Variants in GRIK5 observed in about 807,000 individuals in gnomAD.
The protein encoded by GRIK5 is glutamate receptor ionotropic, kainate 5.
In GRIK5, 43 loss-of-function variants were observed where a neutral mutation model predicts 97.4. That is an observed-to-expected ratio of 0.44 (90% CI 0.35 to 0.57). The LOEUF (loss-of-function observed/expected upper bound fraction) is 0.57. Among genes scored for constraint, GRIK5 ranks in the 20% least tolerant of loss-of-function variants. The probability of loss-of-function intolerance (pLI) is 0.01; values close to 1 mark genes in which losing one functional copy is unlikely to be tolerated. For missense variants in GRIK5, 1,015 were observed against 1,382.0 expected, an observed-to-expected ratio of 0.73 and a Z score of 4.21; for synonymous variants, 580 against 583.5, an observed-to-expected ratio of 0.99 and a Z score of 0.09.
At chr19:42,009,833 G>A (rs1310361361) in intron 15 of GRIK5, among the ~76,000 whole-genome samples, 4 of 149,382 alleles carry the variant, frequency 2.7e-5, no homozygotes, top group Middle Eastern at 3.3e-3. Context: ...TTCGGAGGCC[G>A]ATGGGGGCGG....
Position 42,021,348 on chromosome 19 carries a change from C to G in GRIK5, c.1824G>C (p.Ser608=), listed in dbSNP as rs747358547. Residue 608 remains serine, a synonymous_variant, in exon 15 of 20, where the codon TCG becomes TCC. Transcript: ENST00000593562. The surrounding 1 kb of genome is among the most constrained non-coding windows in gnomAD (Gnocchi z 4.2). The stretch of plus-strand genomic sequence containing the variant: ...TGGACAGCGCCCGGGGCATGATCTC[C>G]GAGCCCTGCTGCATGAAGCCCCCCA... ...FPVGGFMQQG[S]EIMPRALSTR... 1.2e-6 allele frequency: 2 copies of G among 1,613,610 alleles called. No homozygotes were observed. The highest frequency in any genetic ancestry group is 2.2e-5 in the South Asian group (2 of 91,012).
In GRIK5 at chr19:42,002,424, C is replaced by T. The variant is rs200235222; in HGVS notation, c.2514+908G>A. On this transcript the variant is annotated intron_variant, in intron 19 of 19. Coordinates refer to ENST00000593562, the MANE Select transcript of GRIK5 (RefSeq NM_002088.5). This position sits in a 1 kb window ranked among gnomAD's most constrained non-coding sequence, Gnocchi z 5.2. ...AAGGACAGACTTGCCGGAGGGATGT[C>T]CTTGAGAAGGCAACCTGGACACGGG... is the stretch of plus-strand genomic sequence containing the variant. 4.0e-4 allele frequency: 287 copies of T among 717,536 alleles called. No individual in the cohort carries two copies. Among genetic ancestry groups the T allele is most frequent in the Non-Finnish European group, 1.5e-4 (57 of 385,110 alleles). 44.4% of individuals were successfully genotyped at this position (717,536 alleles called of 1,614,324 possible). A position where few individuals can be genotyped will look rare whatever the true frequency, so the allele number is the denominator to read the frequency against.
chr19:42,051,265 TG>T (rs2076113129), intron 11 of GRIK5, among the ~76,000 whole-genome samples: 1 of 152,146 alleles, frequency 6.6e-6, no homozygotes, highest in East Asian at 1.9e-4. Context: ...AGCTTCCCCA[TG>T]GGGCCTCTCT....
intron 1 of GRIK5, among the ~76,000 whole-genome samples, chr19:42,067,393 A>T (rs1035564475): frequency 6.6e-5 from 10 of 152,160 alleles, no homozygotes; most frequent in Admixed American, 2.0e-4. Flanking sequence ...AGAAGAAGAG[A>T]GTGCTAGGTG....
chr19:42,067,619 G>A (rs1451289071), intron 1 of GRIK5, among the ~76,000 whole-genome samples: 1 of 152,146 alleles, frequency 6.6e-6, no homozygotes, highest in Non-Finnish European at 1.5e-5. Flanking sequence ...GAGGACAAAG[G>A]ACAGAAAGAC....
intron 15 of GRIK5, among the ~76,000 whole-genome samples, chr19:42,013,187 CA>C (rs59687748): frequency 0.2 from 25,591 of 127,218 alleles, 2,244 homozygotes; most frequent in Middle Eastern, 0.24. Context: ...GAACTCTCTA[CA>C]AAAAAAAAAA....
At chr19:42,058,745 G>C (rs2076219458) in intron 6 of GRIK5, among the ~76,000 whole-genome samples, 1 of 148,428 alleles carries the variant, frequency 6.7e-6, no homozygotes, top group African/African-American at 2.5e-5. Context: ...AGAATCACTT[G>C]AACCTAGGAG....
At chr19:42,054,570 A>C in intron 8 of GRIK5, 98 bp from the exon 9 acceptor site, 4 of 1,342,164 alleles carry the variant, frequency 3.0e-6, no homozygotes, top group Non-Finnish European at 4.1e-6. Flanking sequence ...CCCTCAAATA[A>C]CTTCCCTCTC....
intron 15 of GRIK5, among the ~76,000 whole-genome samples, chr19:42,010,958 A>G (rs1173407817): frequency 6.6e-6 from 1 of 151,972 alleles, no homozygotes; most frequent in African/African-American, 2.4e-5. Flanking sequence ...GGCATGCATC[A>G]CCATGCCTGG....
At chr19:42,053,973 CAGAG>C in intron 9 of GRIK5, 44 bp from the exon 10 acceptor site, 1 of 1,349,862 alleles carries the variant, frequency 7.4e-7, no homozygotes, top group Non-Finnish European at 1.1e-6. Flanking sequence ...TGCAGGGGCC[CAGAG>C]ATGGGCAGGG....
intron 5 of GRIK5, among the ~76,000 whole-genome samples, chr19:42,060,419 G>A (rs1426094676): frequency 6.6e-6 from 1 of 152,038 alleles, no homozygotes; most frequent in African/African-American, 2.4e-5. Context: ...TGTTAAAGCA[G>A]AAATGAGTTA....
In GRIK5 at chr19:42,001,994, C is replaced by A. The variant is rs1228606562; in HGVS notation, c.2514+1338G>T. ...GAGAAAGAGAAACCCAACGAGGGAG[C>A]CTGGGAAGGAGTGACCGGAGAAGTG... On this transcript the variant is annotated intron_variant, in intron 19 of 19. Transcript: ENST00000593562. 3 of 614,264 alleles carry A rather than the reference C, an allele frequency of 4.9e-6. No homozygotes were observed. In the East Asian group the frequency reaches 8.2e-5, roughly 17 times the overall value. 38.1% of individuals were successfully genotyped at this position (614,264 alleles called of 1,614,324 possible).
intron 6 of GRIK5, among the ~76,000 whole-genome samples, chr19:42,057,339 A>G (rs953717632): frequency 2.6e-5 from 4 of 151,948 alleles, no homozygotes; most frequent in Non-Finnish European, 4.4e-5. Context: ...GATAGGCAAG[A>G]AGAAGCCTCA....
chr19:42,003,181 A>C lies in GRIK5; in HGVS notation c.2514+151T>G. The C allele has an allele frequency of 1.5e-6, 1 of 677,824 alleles. No homozygotes were observed. Among genetic ancestry groups the C allele is most frequent in the Non-Finnish European group, 2.5e-6 (1 of 397,374 alleles). The allele number at this position is 677,824 out of a possible 1,614,324, so 42.0% of individuals were successfully genotyped here. ...CACGCGCTGATTCTCTGGCCCCATC[A>C]GCTCTCTTACTTCCCCACCTCCTGC... On this transcript the variant is annotated intron_variant, in intron 19 of 19. Coordinates refer to ENST00000593562, the MANE Select transcript of GRIK5 (RefSeq NM_002088.5). The surrounding 1 kb of genome is among the most constrained non-coding windows in gnomAD (Gnocchi z 4.2).
chr19:42,025,774 G>A (rs2075764219), intron 12 of GRIK5, among the ~76,000 whole-genome samples: 1 of 152,132 alleles, frequency 6.6e-6, no homozygotes, highest in South Asian at 2.1e-4. Context: ...TGCAGCCCCA[G>A]AGATACCAAC....
At chr19:42,036,005 CG>C (rs1200684015) in intron 12 of GRIK5, among the ~76,000 whole-genome samples, 2 of 151,960 alleles carry the variant, frequency 1.3e-5, no homozygotes, top group Admixed American at 1.3e-4. Flanking sequence ...GTTTTATAAC[CG>C]GAAACACAGT....
At chr19:42,033,364 A>G (rs970026838) in intron 12 of GRIK5, among the ~76,000 whole-genome samples, 4 of 151,700 alleles carry the variant, frequency 2.6e-5, no homozygotes, top group Admixed American at 2.0e-4. Flanking sequence ...GGTATATGCC[A>G]TGATGTGGAT....
In GRIK5 at chr19:42,042,621, C is replaced by T. The variant is rs2075991897; in HGVS notation, c.1404G>A (p.Glu468=). ...GCTCGGGCGCCCCGTACAGCCCATC[C>T]TCCACCAACCGCAGGCGGTAGCGGA... ...LRFRYRLRLV[E]DGLYGAPEPN... The change falls in exon 12 of 20, where the codon GAG becomes GAA. Residue 468 remains glutamate (E), a synonymous_variant. Coordinates refer to ENST00000593562, the MANE Select transcript of GRIK5 (RefSeq NM_002088.5). This position sits in a 1 kb window ranked among gnomAD's most constrained non-coding sequence, Gnocchi z 6.9. The T allele has an allele frequency of 1.9e-6, 3 of 1,613,082 alleles. No individual in the cohort carries two copies. The highest frequency in any genetic ancestry group is 2.5e-6 in the Non-Finnish European group (3 of 1,179,964).
chr19:42,003,368 G>A lies in GRIK5; in HGVS notation c.2478C>T (p.Phe826=). The change falls in exon 19 of 20, where the codon TTC becomes TTT. Residue 826 remains phenylalanine, a synonymous_variant. Coordinates refer to ENST00000593562, the MANE Select transcript of GRIK5 (RefSeq NM_002088.5). The surrounding 1 kb of genome is among the most constrained non-coding windows in gnomAD (Gnocchi z 4.2). The part of the protein sequence containing the change: ...IIAVFVAVME[F]IWSTRRSAES... The stretch of plus-strand genomic sequence containing the variant: ...CAGCTGACCTCCGTGTGGACCATAT[G>A]AATTCCATGACCGCCACGAAGACAG... 9 of 1,611,696 alleles carry A rather than the reference G, an allele frequency of 5.6e-6. No individual in the cohort carries two copies. Among genetic ancestry groups the A allele is most frequent in the Non-Finnish European group, 7.6e-6 (9 of 1,178,150 alleles).
Sources: gnomAD v4.1 joint callset for allele counts (sites outside exome capture counted in the v4.1 genomes callset) on GRCh38, gnomAD v4.1.1 for gene constraint, Gnocchi (gnomAD v3.1) non-coding constraint, MANE v1.5 for transcripts, NCBI Gene and HGNC (gene_info 2026-07-23, HGNC 2026-07-21) for gene names.